The following NTM variants were observed in gnomAD, a reference collection of about 807,000 sequenced individuals.
The protein encoded by NTM is IgLON family member 2.
In NTM, 13 loss-of-function variants were observed where a neutral mutation model predicts 42.1. The observed-to-expected ratio is 0.31, with a 90% confidence interval of 0.20 to 0.49. The LOEUF (loss-of-function observed/expected upper bound fraction) is 0.49, where lower values mean the gene tolerates loss of function less well. Among genes scored for constraint, NTM ranks in the 20% least tolerant of loss-of-function variants. NTM has a pLI of 0.99. For missense variants in NTM, 373 were observed against 452.8 expected, an observed-to-expected ratio of 0.82 and a Z score of 1.60; for synonymous variants, 187 against 179.2, an observed-to-expected ratio of 1.04 and a Z score of -0.35.
intron 1 of NTM, among the ~76,000 whole-genome samples, chr11:131,636,026 T>C (rs1398356171): frequency 6.6e-6 from 1 of 152,248 alleles, no homozygotes; most frequent in Admixed American, 6.5e-5. Context: ...GTAAGTGCTC[T>C]ATGATGTTCA....
At chr11:132,289,808 C>G (rs1047662020) in intron 4 of NTM, among the ~76,000 whole-genome samples, 1 of 152,194 alleles carries the variant, frequency 6.6e-6, no homozygotes, top group South Asian at 2.1e-4. Context: ...TGAGGTTTAC[C>G]TCAGGGCAGG....
chr11:132,004,599 C>G (rs2070270913), intron 2 of NTM, among the ~76,000 whole-genome samples: 1 of 103,020 alleles, frequency 9.7e-6, no homozygotes, highest in Admixed American at 1.1e-4. Flanking sequence ...CTCTCTCTTT[C>G]TCTCTTTCTC....
intron 2 of NTM, among the ~76,000 whole-genome samples, chr11:132,053,944 G>A (rs1008186829): frequency 1.2e-4 from 19 of 152,306 alleles, no homozygotes; most frequent in African/African-American, 3.4e-4. Context: ...CGCTGGGTGC[G>A]GTGGCTGACA....
intron 1 of NTM, among the ~76,000 whole-genome samples, chr11:131,606,342 C>A (rs1481796791): frequency 6.6e-6 from 1 of 152,212 alleles, no homozygotes; most frequent in Non-Finnish European, 1.5e-5. Context: ...AGGTGTGAGC[C>A]ACCACACCTG....
Position 131,641,554 on chromosome 11 carries a change from CTG to C in NTM, c.83-270009_83-270008del, listed in dbSNP as rs563723481. 2.6e-4 allele frequency among the ~76,000 whole-genome samples: 40 copies of C among 152,176 alleles called. No homozygotes were observed. The South Asian group carries it at 6.5e-3, about 25-fold the overall frequency. Reference sequence around the variant, plus strand: ...CTGAAGGTCATTCACTGATACCTGTCTGGGGTTTTGAACTGTCAGCCTGCCTG... The same window carrying C: ...CTGAAGGTCATTCACTGATACCTGTCGGGTTTTGAACTGTCAGCCTGCCTG... On this transcript the variant is annotated intron_variant, in intron 1 of 8. Transcript: ENST00000683400.
At chr11:131,379,150 A>G (rs892190804) in intron 1 of NTM, among the ~76,000 whole-genome samples, 13 of 152,270 alleles carry the variant, frequency 8.5e-5, no homozygotes, top group African/African-American at 2.6e-4. Flanking sequence ...CTGATTCACA[A>G]CCAGCTCAGG....
At chr11:132,242,325 A>G (rs2090345273) in intron 4 of NTM, among the ~76,000 whole-genome samples, 1 of 152,192 alleles carries the variant, frequency 6.6e-6, no homozygotes, top group Non-Finnish European at 1.5e-5. Flanking sequence ...GCTTTCCTGG[A>G]AATGGAGGAT....
At chr11:131,503,264 C>A (rs144955645) in intron 1 of NTM, among the ~76,000 whole-genome samples, 7 of 152,180 alleles carry the variant, frequency 4.6e-5, no homozygotes, top group Non-Finnish European at 8.8e-5. Flanking sequence ...AGGTAAGGGG[C>A]TGTCTGCAGG....
chr11:132,270,796 A>G (rs542265736), intron 4 of NTM, among the ~76,000 whole-genome samples: 1 of 152,242 alleles, frequency 6.6e-6, no homozygotes, highest in South Asian at 2.1e-4. Context: ...CTTGTTCCAC[A>G]TCCTTGCTCT....
intron 2 of NTM, among the ~76,000 whole-genome samples, chr11:132,021,018 C>T (rs1289207291): frequency 6.6e-6 from 1 of 151,926 alleles, no homozygotes; most frequent in Non-Finnish European, 1.5e-5. Flanking sequence ...ATGGGATTCC[C>T]ATTATTATAT....
At chr11:132,326,450 C>T (rs1253988272) in intron 7 of NTM, among the ~76,000 whole-genome samples, 1 of 152,212 alleles carries the variant, frequency 6.6e-6, no homozygotes, top group Non-Finnish European at 1.5e-5. Context: ...AAATTGAAAG[C>T]AAACAGGTTA....
At chr11:132,192,635 T>A (rs2079493877) in intron 3 of NTM, among the ~76,000 whole-genome samples, 1 of 152,156 alleles carries the variant, frequency 6.6e-6, no homozygotes, top group Non-Finnish European at 1.5e-5. Context: ...AATGACAGGA[T>A]ACAATCCTCA....
At chr11:131,592,067 A>T (rs983085874) in intron 1 of NTM, among the ~76,000 whole-genome samples, 2 of 152,160 alleles carry the variant, frequency 1.3e-5, no homozygotes, top group Admixed American at 1.3e-4. Context: ...GGTTAAGTCA[A>T]TGGTTAAGTC....
At chr11:132,207,588 G>A (rs1251995388) in intron 3 of NTM, among the ~76,000 whole-genome samples, 1 of 152,132 alleles carries the variant, frequency 6.6e-6, no homozygotes, top group Non-Finnish European at 1.5e-5. Flanking sequence ...CCAGTTCATG[G>A]AAAAAATTAT....
At chr11:131,552,784 C>T (rs1418834653) in intron 1 of NTM, among the ~76,000 whole-genome samples, 2 of 149,054 alleles carry the variant, frequency 1.3e-5, no homozygotes, top group African/African-American at 2.5e-5. Flanking sequence ...TGCCACTGCA[C>T]TCCAGCCTGG....
intron 1 of NTM, among the ~76,000 whole-genome samples, chr11:131,657,908 G>A (rs1409954116): frequency 6.6e-6 from 1 of 152,216 alleles, no homozygotes; most frequent in East Asian, 1.9e-4. Flanking sequence ...ACAGGGCAAG[G>A]CAGGCAGCAA....
intron 1 of NTM, among the ~76,000 whole-genome samples, chr11:131,465,176 C>G (rs1464004511): frequency 6.6e-6 from 1 of 152,164 alleles, no homozygotes; most frequent in Non-Finnish European, 1.5e-5. Context: ...TTGCTGGTGA[C>G]AAATGAGTTT....
intron 1 of NTM, among the ~76,000 whole-genome samples, chr11:131,520,890 A>T (rs2049551319): frequency 6.6e-6 from 1 of 152,176 alleles, no homozygotes; most frequent in East Asian, 1.9e-4. Context: ...TATTTGGCTC[A>T]TGATTTTGTG....
chr11:131,448,510 C>A (rs886549445), intron 1 of NTM, among the ~76,000 whole-genome samples: 1 of 152,202 alleles, frequency 6.6e-6, no homozygotes, highest in Non-Finnish European at 1.5e-5. Flanking sequence ...GATAGACCTG[C>A]GGACCAGGAA....
Sources: allele counts gnomAD v4.1 joint callset (sites outside exome capture counted in the v4.1 genomes callset), GRCh38; gene constraint gnomAD v4.1.1; transcripts MANE v1.5; gene names NCBI Gene and HGNC (gene_info 2026-07-23, HGNC 2026-07-21).